Variants in GRB14 observed in about 807,000 individuals in gnomAD.
The protein encoded by GRB14 is growth factor receptor-bound protein 14.
GRB14 carries 38 observed loss-of-function variants against 69.1 expected under a neutral mutation model. The ratio of observed to expected loss-of-function variants is 0.55; its 90% confidence interval spans 0.42 to 0.72. The LOEUF is 0.72. Among genes scored for constraint, GRB14 ranks in the 30% least tolerant of loss-of-function variants. The pLI is 0.00. For synonymous variants in GRB14, 247 were observed against 241.3 expected (o/e 1.02, Z -0.22); for missense variants, 666 against 666.1 (o/e 1.00, Z 0.00).
intron 2 of GRB14, among the ~76,000 whole-genome samples, chr2:164,614,478 C>T (rs574871794): frequency 2.0e-5 from 3 of 152,106 alleles, no homozygotes; most frequent in African/African-American, 4.8e-5. Flanking sequence ...TGGTTTTAGA[C>T]GATATCAAGG....
chr2:164,505,511 C>T (rs1470460455), intron 8 of GRB14, among the ~76,000 whole-genome samples: 1 of 152,090 alleles, frequency 6.6e-6, no homozygotes, highest in Non-Finnish European at 1.5e-5. Context: ...CAGCCCCATG[C>T]CATATCCTGT....
chr2:164,591,389 C>T (rs1186708242), intron 2 of GRB14, among the ~76,000 whole-genome samples: 7 of 152,096 alleles, frequency 4.6e-5, no homozygotes, highest in African/African-American at 1.7e-4. Flanking sequence ...ATCCCCCAAC[C>T]AATAACACCT....
At chr2:164,553,911 G>A (rs1406106840) in intron 2 of GRB14, among the ~76,000 whole-genome samples, 6 of 152,062 alleles carry the variant, frequency 3.9e-5, no homozygotes, top group Admixed American at 1.3e-4. Flanking sequence ...CCAAGATCGC[G>A]CCACTGCACT....
chr2:164,579,713 G>C (rs532170287), intron 2 of GRB14, among the ~76,000 whole-genome samples: 1 of 152,110 alleles, frequency 6.6e-6, no homozygotes, highest in East Asian at 1.9e-4. Flanking sequence ...AACCATGTTA[G>C]ATAAAAATGA....
At position 164,526,768 on chromosome 2, in the gene GRB14, T is replaced by G. The variant is rs532757030; in HGVS notation, c.603+246A>C. 1.2e-3 allele frequency among the ~76,000 whole-genome samples: 179 copies of G among 152,034 alleles called. No individual in the cohort carries two copies. In the South Asian group the frequency reaches 0.018, roughly 15 times the overall value. ...ATACTTTTAAATTAAATAAACCAAA[T>G]TCATCTCAATTCAGACTTTACCAAT... On this transcript the variant is annotated intron_variant, in intron 4 of 13. Transcript: ENST00000263915.
intron 2 of GRB14, among the ~76,000 whole-genome samples, chr2:164,598,016 T>C (rs142605538): frequency 6.6e-6 from 1 of 152,050 alleles, no homozygotes; most frequent in African/African-American, 2.4e-5. Context: ...ATGCTGTTTC[T>C]TCACCAAGCA....
At chr2:164,565,721 A>G (rs1444711756) in intron 2 of GRB14, among the ~76,000 whole-genome samples, 1 of 152,242 alleles carries the variant, frequency 6.6e-6, no homozygotes, top group East Asian at 1.9e-4. Context: ...GTTCTTCACC[A>G]GAACCTTAAT....
At chr2:164,497,940 T>C (rs897010873) in intron 9 of GRB14, among the ~76,000 whole-genome samples, 1 of 152,160 alleles carries the variant, frequency 6.6e-6, no homozygotes, top group Non-Finnish European at 1.5e-5. Flanking sequence ...GTCAAATCCA[T>C]CTACTTATGA....
rs1686872209 is a variant in GRB14, at chr2:164,495,602, TC to T, written c.1383-1079del. ...GCTGGTAAATACACCGTGTAAATGA[TC>T]CCCACTGGTGAATCCAATATGAATC... is the stretch of plus-strand genomic sequence containing the variant. On this transcript the variant is annotated intron_variant, in intron 12 of 13. Coordinates refer to ENST00000263915, the MANE Select transcript of GRB14 (RefSeq NM_004490.3). 3.3e-5 allele frequency among the ~76,000 whole-genome samples: 5 copies of T among 152,242 alleles called. No homozygotes were observed. In the South Asian group the frequency reaches 1.0e-3, roughly 32 times the overall value.
intron 9 of GRB14, among the ~76,000 whole-genome samples, chr2:164,498,010 T>C (rs1417579946): frequency 6.6e-6 from 1 of 152,178 alleles, no homozygotes; most frequent in Non-Finnish European, 1.5e-5. Context: ...GACATATATC[T>C]CTTGAGAAAT....
chr2:164,522,277 T>C (rs932636793), intron 5 of GRB14, among the ~76,000 whole-genome samples, 160 bp from the exon 6 acceptor site: 2 of 152,096 alleles, frequency 1.3e-5, no homozygotes, highest in African/African-American at 4.8e-5. Flanking sequence ...TATACTGCAT[T>C]GCTTTGATAG....
intron 2 of GRB14, among the ~76,000 whole-genome samples, chr2:164,575,446 G>A (rs1002880320): frequency 2.6e-5 from 4 of 151,976 alleles, no homozygotes; most frequent in South Asian, 2.1e-4. Context: ...ATAATAAAAC[G>A]TAAGTAATAT....
intron 2 of GRB14, among the ~76,000 whole-genome samples, chr2:164,553,151 GA>G (rs771099160): frequency 1.5e-4 from 23 of 152,108 alleles, no homozygotes; most frequent in Non-Finnish European, 2.9e-4. Context: ...TTATTTCAGA[GA>G]AGCTAAGAAA....
At chr2:164,502,542 A>C (rs1193851487) in intron 8 of GRB14, among the ~76,000 whole-genome samples, 1 of 152,092 alleles carries the variant, frequency 6.6e-6, no homozygotes, top group Non-Finnish European at 1.5e-5. Context: ...TTAGACCTAC[A>C]ACTTAAGGTC....
intron 3 of GRB14, among the ~76,000 whole-genome samples, chr2:164,532,496 G>C (rs1687967394): frequency 6.6e-6 from 1 of 152,170 alleles, no homozygotes. Flanking sequence ...AATTAAGGAT[G>C]TTGAAATGGG....
chr2:164,610,792 C>T (rs1026431021), intron 2 of GRB14, among the ~76,000 whole-genome samples: 1 of 148,626 alleles, frequency 6.7e-6, no homozygotes, highest in African/African-American at 2.5e-5. Context: ...AACAACTAGA[C>T]CAAATAGATA....
chr2:164,521,351 T>C (rs1574266637), intron 6 of GRB14, among the ~76,000 whole-genome samples: 2 of 151,942 alleles, frequency 1.3e-5, no homozygotes, highest in Non-Finnish European at 2.9e-5. Flanking sequence ...ACAATGGACT[T>C]TGGGGACTCA....
chr2:164,516,774 A>G (rs546495866), intron 6 of GRB14, among the ~76,000 whole-genome samples: 8 of 152,312 alleles, frequency 5.3e-5, no homozygotes, highest in Admixed American at 1.3e-4. Context: ...AATAAATCTC[A>G]GCATTTTGGG....
At chr2:164,582,586 A>C (rs1306640180) in intron 2 of GRB14, among the ~76,000 whole-genome samples, 2 of 151,844 alleles carry the variant, frequency 1.3e-5, no homozygotes, top group Non-Finnish European at 2.9e-5. Context: ...ATGCCTGGCT[A>C]ATTTTCGTAT....
Sources: allele counts gnomAD v4.1 joint callset (sites outside exome capture counted in the v4.1 genomes callset), GRCh38; gene constraint gnomAD v4.1.1; transcripts MANE v1.5; gene names NCBI Gene and HGNC (gene_info 2026-07-23, HGNC 2026-07-21).